The following CDIN1 variants were observed in gnomAD, a reference collection of about 807,000 sequenced individuals.
The protein encoded by CDIN1 is CDAN1 interacting nuclease 1, also known as CDAN1-interacting nuclease 1.
Under a neutral mutation model 45.3 loss-of-function variants are expected in CDIN1, and 33 were observed. The ratio of observed to expected loss-of-function variants is 0.73; its 90% CI spans 0.55 to 0.97. The LOEUF is 0.97. Among genes scored for constraint, CDIN1 ranks in the 50% least tolerant of loss-of-function variants. The pLI is 0.00. For synonymous variants in CDIN1, 118 were observed against 124.4 expected (o/e 0.95, Z 0.34); for missense variants, 303 against 339.4 (o/e 0.89, Z 0.84).
intron 1 of CDIN1, among the ~76,000 whole-genome samples, chr15:36,580,546 A>G (rs2036994699): frequency 6.6e-6 from 1 of 152,196 alleles, no homozygotes; most frequent in African/African-American, 2.4e-5. Context: ...TTCTCCATAT[A>G]TGTTATGCAT....
Position 36,808,969 on chromosome 15 carries a change from A to G in CDIN1, c.*516A>G, listed in dbSNP as rs1198650188. 1 of 455,946 alleles carries G rather than the reference A, an allele frequency of 2.2e-6. No individual in the cohort carries two copies. The highest frequency in any genetic ancestry group is 4.4e-6 in the Non-Finnish European group (1 of 226,738). The allele number at this position is 455,946 out of a possible 1,614,324, so 28.2% of individuals were successfully genotyped here. On this transcript the variant is annotated 3_prime_UTR_variant, in exon 11 of 11. Coordinates refer to ENST00000566621, the MANE Select transcript of CDIN1 (RefSeq NM_001321759.2). The stretch of plus-strand genomic sequence containing the variant: ...AAACCTAGGAAAGCTGAAGCCACAA[A>G]GTCCAAAGCCACCTTTGTACTCACC...
At chr15:36,629,364 CT>C (rs2039584139) in intron 1 of CDIN1, among the ~76,000 whole-genome samples, 1 of 152,128 alleles carries the variant, frequency 6.6e-6, no homozygotes, top group African/African-American at 2.4e-5. Flanking sequence ...AACTGATCAT[CT>C]TTTTAGCACT....
intron 10 of CDIN1, among the ~76,000 whole-genome samples, chr15:36,767,778 A>G (rs2053964841): frequency 6.6e-6 from 1 of 152,210 alleles, no homozygotes; most frequent in African/African-American, 2.4e-5. Flanking sequence ...TTGAAATTCA[A>G]ATGTATTGCA....
chr15:36,616,365 C>T (rs930916573), intron 1 of CDIN1, among the ~76,000 whole-genome samples: 2 of 151,916 alleles, frequency 1.3e-5, no homozygotes, highest in Non-Finnish European at 2.9e-5. Context: ...TCACTGCAAC[C>T]CCCACCTCCC....
chr15:36,580,910 T>C (rs2037011629), intron 1 of CDIN1, among the ~76,000 whole-genome samples: 1 of 152,228 alleles, frequency 6.6e-6, no homozygotes. Flanking sequence ...AAGTAATTTC[T>C]TGAGAAAAGA....
chr15:36,655,689 G>A (rs187550008), intron 4 of CDIN1, among the ~76,000 whole-genome samples: 4 of 152,220 alleles, frequency 2.6e-5, no homozygotes, highest in Admixed American at 2.6e-4. Context: ...AGTAACTTGA[G>A]GTATCTGAGC....
At chr15:36,648,433 T>TTA (rs1434421983) in intron 3 of CDIN1, among the ~76,000 whole-genome samples, 1 of 131,662 alleles carries the variant, frequency 7.6e-6, no homozygotes, top group East Asian at 2.2e-4. Flanking sequence ...TTCTATTTTT[T>TTA]TTTTTTTTTT....
At chr15:36,671,319 T>G (rs889344331) in intron 5 of CDIN1, among the ~76,000 whole-genome samples, 11 of 152,124 alleles carry the variant, frequency 7.2e-5, no homozygotes, top group Admixed American at 3.9e-4. Context: ...CTTGTCTTGC[T>G]TTTTGCCTGG....
chr15:36,793,392 G>T (rs1317071090), intron 10 of CDIN1, among the ~76,000 whole-genome samples: 2 of 151,926 alleles, frequency 1.3e-5, no homozygotes, highest in Admixed American at 1.3e-4. Context: ...CTAGAAGTAA[G>T]TAGAGCCAGG....
At chr15:36,682,201 C>A (rs1212328988) in intron 5 of CDIN1, among the ~76,000 whole-genome samples, 3 of 151,782 alleles carry the variant, frequency 2.0e-5, no homozygotes, top group African/African-American at 7.3e-5. Flanking sequence ...AGGCTAAAGC[C>A]CTGAGAATGA....
intron 1 of CDIN1, chr15:36,641,069 T>A (rs1431078878): frequency 6.6e-6 from 1 of 152,188 alleles, no homozygotes; most frequent in Non-Finnish European, 1.5e-5. Flanking sequence ...AGGGGAGAAC[T>A]AGAAATTATG....
chr15:36,622,201 G>A (rs1198874287), intron 1 of CDIN1, among the ~76,000 whole-genome samples: 1 of 152,120 alleles, frequency 6.6e-6, no homozygotes, highest in Non-Finnish European at 1.5e-5. Context: ...GTTCTTTAAT[G>A]GTAAAAGTTT....
intron 1 of CDIN1, among the ~76,000 whole-genome samples, chr15:36,589,964 T>C (rs1198607755): frequency 6.6e-6 from 1 of 152,208 alleles, no homozygotes; most frequent in East Asian, 1.9e-4. Context: ...TTTGGGGAAC[T>C]AATACCTGCT....
intron 1 of CDIN1, among the ~76,000 whole-genome samples, chr15:36,637,165 C>G (rs2039932232): frequency 6.6e-6 from 1 of 152,160 alleles, no homozygotes; most frequent in Admixed American, 6.5e-5. Flanking sequence ...CCAGAGGCAC[C>G]AACGTGTGTG....
chr15:36,650,163 A>G (rs540305979), intron 3 of CDIN1, among the ~76,000 whole-genome samples: 9 of 152,308 alleles, frequency 5.9e-5, no homozygotes, highest in South Asian at 2.1e-4. Flanking sequence ...AAACTTTGCT[A>G]TTGATGGGGA....
At chr15:36,589,018 T>A (rs1443829566) in intron 1 of CDIN1, among the ~76,000 whole-genome samples, 1 of 152,212 alleles carries the variant, frequency 6.6e-6, no homozygotes, top group Non-Finnish European at 1.5e-5. Context: ...AACTTTAGTT[T>A]ACTAAGTAAT....
At chr15:36,655,899 T>G (rs1410736874) in intron 4 of CDIN1, among the ~76,000 whole-genome samples, 2 of 152,222 alleles carry the variant, frequency 1.3e-5, no homozygotes, top group African/African-American at 4.8e-5. Flanking sequence ...CATTAAATAT[T>G]TAGCTGACCT....
At chr15:36,653,890 C>T (rs2040674064) in intron 3 of CDIN1, among the ~76,000 whole-genome samples, 1 of 152,194 alleles carries the variant, frequency 6.6e-6, no homozygotes, top group South Asian at 2.1e-4. Context: ...CTGCCCCCAC[C>T]TTCAGCTTCT....
At chr15:36,772,218 G>A (rs1052305525) in intron 10 of CDIN1, among the ~76,000 whole-genome samples, 2 of 152,024 alleles carry the variant, frequency 1.3e-5, no homozygotes, top group African/African-American at 2.4e-5. Flanking sequence ...TAGTAAGGTG[G>A]TGTCAAAACA....
Sources: allele counts gnomAD v4.1 joint callset (sites outside exome capture counted in the v4.1 genomes callset), GRCh38; gene constraint gnomAD v4.1.1; transcripts MANE v1.5; gene names NCBI Gene and HGNC (gene_info 2026-07-23, HGNC 2026-07-21).